The following PPARD variants were observed in gnomAD, a reference collection of about 807,000 sequenced individuals.
The protein encoded by PPARD is peroxisome proliferator activated receptor delta.
In PPARD, 6 loss-of-function variants were observed where a neutral mutation model predicts 39.5. The ratio of observed to expected loss-of-function variants is 0.15; its 90% CI spans 0.08 to 0.30. The LOEUF (loss-of-function observed/expected upper bound fraction) is 0.30. Among genes scored for constraint, PPARD ranks in the 10% least tolerant of loss-of-function variants. The probability of loss-of-function intolerance (pLI) is 1.00; values close to 1 mark genes in which losing one functional copy is unlikely to be tolerated. For synonymous variants in PPARD, 210 were observed against 231.3 expected, an observed-to-expected ratio of 0.91 and a Z score of 0.83; for missense variants, 397 against 596.8, an observed-to-expected ratio of 0.67 and a Z score of 3.49.
chr6:35,417,694 G>A (rs971150061), intron 3 of PPARD, among the ~76,000 whole-genome samples: 1 of 152,084 alleles, frequency 6.6e-6, no homozygotes, highest in East Asian at 1.9e-4. Context: ...ACCACGCCCA[G>A]CTAATTTTTG....
At chr6:35,415,766 G>C (rs1416715181) in intron 3 of PPARD, among the ~76,000 whole-genome samples, 1 of 151,914 alleles carries the variant, frequency 6.6e-6, no homozygotes, top group Non-Finnish European at 1.5e-5. Flanking sequence ...GGGTTCTCCA[G>C]AGAAGGAGAA....
At chr6:35,384,407 A>C (rs868458170) in intron 2 of PPARD, among the ~76,000 whole-genome samples, 1,539 of 83,798 alleles carry the variant, frequency 0.018, 1 homozygote, top group African/African-American at 0.043. Flanking sequence ...CCCCTCTGCC[A>C]GGCCAGCCGC....
At chr6:35,388,311 A>T (rs1763800811) in intron 2 of PPARD, among the ~76,000 whole-genome samples, 1 of 152,202 alleles carries the variant, frequency 6.6e-6, no homozygotes, top group Non-Finnish European at 1.5e-5. Context: ...CTCAGAGAGA[A>T]CATGAGAGGC....
chr6:35,422,754 G>A (rs890350091), intron 5 of PPARD, among the ~76,000 whole-genome samples: 17 of 152,078 alleles, frequency 1.1e-4, no homozygotes, highest in African/African-American at 3.9e-4. Context: ...AGGAAATCTC[G>A]GAACTGACTG....
chr6:35,356,393 G>C (rs1761615603), intron 2 of PPARD, among the ~76,000 whole-genome samples: 1 of 152,132 alleles, frequency 6.6e-6, no homozygotes, highest in African/African-American at 2.4e-5. Flanking sequence ...TCATAAACAT[G>C]CTGTTCTCAA....
intron 2 of PPARD, among the ~76,000 whole-genome samples, chr6:35,371,284 C>T (rs1021211166): frequency 7.2e-5 from 11 of 152,098 alleles, no homozygotes; most frequent in South Asian, 2.1e-4. Flanking sequence ...TCTCTGACTG[C>T]GCCTTTGCTG....
intron 2 of PPARD, among the ~76,000 whole-genome samples, chr6:35,378,302 C>G (rs1167287116): frequency 2.0e-5 from 3 of 152,086 alleles, no homozygotes; most frequent in Non-Finnish European, 2.9e-5. Flanking sequence ...ATTTCTCTGG[C>G]TGAGTAGAGG....
chr6:35,358,179 T>C (rs1045895234), intron 2 of PPARD, among the ~76,000 whole-genome samples: 1 of 152,050 alleles, frequency 6.6e-6, no homozygotes, highest in Non-Finnish European at 1.5e-5. Context: ...AGAGAGAGAT[T>C]GGACACAGGA....
chr6:35,413,181 C>G (rs1332575891), intron 3 of PPARD, among the ~76,000 whole-genome samples: 1 of 152,170 alleles, frequency 6.6e-6, no homozygotes, highest in Non-Finnish European at 1.5e-5. Context: ...CCCGTGCAGG[C>G]CAGGTGAGGT....
intron 2 of PPARD, among the ~76,000 whole-genome samples, chr6:35,385,646 T>TAA (rs66948740): frequency 7.2e-5 from 7 of 96,558 alleles, no homozygotes; most frequent in African/African-American, 3.5e-4. Flanking sequence ...TAAATAAATT[T>TAA]AAAAAAAAAA....
At position 35,426,111 on chromosome 6, in the gene PPARD, A is replaced by G. The variant is rs200466735; in HGVS notation, c.*32A>G. The G allele has an allele frequency of 7.5e-5, 120 of 1,600,628 alleles. 1 individual carries two copies. The Middle Eastern group carries it at 8.3e-4, about 11-fold the overall frequency. On this transcript the variant is annotated 3_prime_UTR_variant, in exon 8 of 8. Coordinates refer to ENST00000360694, the MANE Select transcript of PPARD (RefSeq NM_006238.5). ...CACCCAGGCCTCCCTGCAGACTCCAATGGGGCCAGCACTGGAGGGGCCCAC... is the reference window on the plus strand; with the variant it reads ...CACCCAGGCCTCCCTGCAGACTCCAGTGGGGCCAGCACTGGAGGGGCCCAC...
chr6:35,376,100 AAG>A (rs1762801404), intron 2 of PPARD, among the ~76,000 whole-genome samples: 1 of 152,216 alleles, frequency 6.6e-6, no homozygotes, highest in Non-Finnish European at 1.5e-5. Context: ...TCATTTATAA[AAG>A]AAAAAACAAA....
intron 4 of PPARD, among the ~76,000 whole-genome samples, chr6:35,421,376 T>C (rs1197459114): frequency 6.6e-6 from 1 of 151,760 alleles, no homozygotes; most frequent in Non-Finnish European, 1.5e-5. Context: ...TCACTCTTGT[T>C]GTCCAGGCTG....
At chr6:35,379,934 C>A (rs367969555) in intron 2 of PPARD, among the ~76,000 whole-genome samples, 2 of 152,290 alleles carry the variant, frequency 1.3e-5, no homozygotes, top group South Asian at 4.1e-4. Context: ...TCTAGGGGCA[C>A]GTCATCAGCA....
intron 2 of PPARD, among the ~76,000 whole-genome samples, chr6:35,350,871 C>T (rs1277962583): frequency 1.3e-5 from 2 of 152,082 alleles, no homozygotes; most frequent in East Asian, 3.9e-4. Flanking sequence ...AGGTGATCTG[C>T]CCACCTCGGT....
intron 2 of PPARD, among the ~76,000 whole-genome samples, chr6:35,404,594 C>T (rs1050945618): frequency 6.6e-6 from 1 of 152,178 alleles, no homozygotes; most frequent in Non-Finnish European, 1.5e-5. Context: ...TGAGTCACCA[C>T]GAGGAGTACG....
intron 1 of PPARD, among the ~76,000 whole-genome samples, chr6:35,346,785 A>G (rs1385634713): frequency 6.6e-6 from 1 of 152,222 alleles, no homozygotes; most frequent in African/African-American, 2.4e-5. Flanking sequence ...GCTTCTACCC[A>G]GCTCCCTTCT....
chr6:35,410,227 A>G (rs1765340785), intron 2 of PPARD, among the ~76,000 whole-genome samples: 1 of 152,178 alleles, frequency 6.6e-6, no homozygotes. Flanking sequence ...TGGTGCAGAC[A>G]TTTCCCCGCT....
At chr6:35,410,399 A>G (rs1765348969) in intron 2 of PPARD, among the ~76,000 whole-genome samples, 3 of 152,196 alleles carry the variant, frequency 2.0e-5, no homozygotes, top group Admixed American at 6.5e-5. Flanking sequence ...AGGATGGAGC[A>G]CATCTTCCTT....
Sources: allele counts gnomAD v4.1 joint callset (sites outside exome capture counted in the v4.1 genomes callset), GRCh38; gene constraint gnomAD v4.1.1; transcripts MANE v1.5; gene names NCBI Gene and HGNC (gene_info 2026-07-23, HGNC 2026-07-21).